The following TENM2 variants were observed in gnomAD, a reference collection of about 807,000 sequenced individuals.
TENM2 encodes teneurin-2.
A neutral mutation model predicts 245.2 loss-of-function variants in TENM2; 52 were observed. The ratio of observed to expected loss-of-function variants is 0.21; its 90% CI spans 0.17 to 0.27. The LOEUF (loss-of-function observed/expected upper bound fraction) is 0.27, where lower values mean the gene tolerates loss of function less well. TENM2 is among the 10% of genes least tolerant of loss of function. TENM2 has a pLI of 1.00. For missense variants in TENM2, 3,046 were observed against 3,666.8 expected (o/e 0.83, Z 4.37); for synonymous variants, 1,363 against 1,438.9 (o/e 0.95, Z 1.19).
intron 24 of TENM2, 119 bp from the exon 27 acceptor site, chr5:168,227,776 A>T (rs781487664): frequency 1.6e-5 from 10 of 640,320 alleles, no homozygotes; most frequent in Non-Finnish European, 2.2e-5. Flanking sequence ...GCAGCCTTCG[A>T]CTAATGGCTG....
chr5:167,896,025 G>A (rs1412891586), intron 3 of TENM2, among the ~76,000 whole-genome samples: 1 of 152,210 alleles, frequency 6.6e-6, no homozygotes, highest in Non-Finnish European at 1.5e-5. Flanking sequence ...GCAGCATGAG[G>A]TGGATGAAGC....
intron 3 of TENM2, among the ~76,000 whole-genome samples, chr5:167,921,905 G>A (rs934516911): frequency 1.3e-5 from 2 of 152,120 alleles, no homozygotes; most frequent in African/African-American, 4.8e-5. Flanking sequence ...GAGGATTATA[G>A]AACTTTCTCT....
chr5:167,430,329 A>G (rs1488606268), intron 2 of TENM2, among the ~76,000 whole-genome samples: 2 of 152,208 alleles, frequency 1.3e-5, no homozygotes, highest in Non-Finnish European at 2.9e-5. Flanking sequence ...ATTAAATAAA[A>G]TAATCAACGT....
intron 2 of TENM2, among the ~76,000 whole-genome samples, chr5:167,853,214 C>T (rs1490113778): frequency 3.0e-5 from 4 of 134,714 alleles, no homozygotes; most frequent in Non-Finnish European, 6.1e-5. Flanking sequence ...GGCGTGAACC[C>T]GGGAGGTGGA....
At chr5:167,291,573 T>G (rs543138819) in intron 1 of TENM2, among the ~76,000 whole-genome samples, 32 of 152,342 alleles carry the variant, frequency 2.1e-4, no homozygotes, top group African/African-American at 7.5e-4. Context: ...CAGCAGAATA[T>G]TCTCCAGGTA....
At chr5:167,347,028 C>A (rs1758502574) in intron 1 of TENM2, among the ~76,000 whole-genome samples, 1 of 151,954 alleles carries the variant, frequency 6.6e-6, no homozygotes, top group African/African-American at 2.4e-5. Context: ...GACACCTTGG[C>A]CTCCCAAAGT....
chr5:168,069,710 C>T (rs141757515), intron 7 of TENM2, among the ~76,000 whole-genome samples: 1 of 152,326 alleles, frequency 6.6e-6, no homozygotes, highest in Non-Finnish European at 1.5e-5. Flanking sequence ...AGCAGCCAGA[C>T]ACCTTCATCT....
At chr5:167,544,180 C>T (rs565509405) in intron 2 of TENM2, among the ~76,000 whole-genome samples, 1 of 152,190 alleles carries the variant, frequency 6.6e-6, no homozygotes, top group African/African-American at 2.4e-5. Context: ...GAAGTCACCG[C>T]TTGGTTGTGT....
chr5:167,538,245 G>A (rs1242380351), intron 2 of TENM2, among the ~76,000 whole-genome samples: 1 of 152,198 alleles, frequency 6.6e-6, no homozygotes, highest in African/African-American at 2.4e-5. Flanking sequence ...AGTTGGAAAG[G>A]CGATTTCAAA....
rs1763322920 is a variant in TENM2, at chr5:167,418,886, C to T, written c.502+43413C>T. Among the ~76,000 whole-genome samples the T allele has an allele frequency of 3.3e-5, 5 of 151,906 alleles. No individual in the cohort carries two copies. In the South Asian group the frequency reaches 1.0e-3, roughly 32 times the overall value. The stretch of plus-strand genomic sequence containing the variant: ...TATCCCTTGGCATCAAGAATAAATA[C>T]CAATTATTATCATATATAGAAGTGT... On this transcript the variant is annotated intron_variant, in intron 2 of 28. Transcript: ENST00000518659.
the TENM2 span, among the ~76,000 whole-genome samples, chr5:167,150,892 A>C: frequency 6.6e-6 from 1 of 152,214 alleles, no homozygotes; most frequent in Non-Finnish European, 1.5e-5. Context: ...AAAATGATGG[A>C]GTGAGCTTGG....
intron 12 of TENM2, among the ~76,000 whole-genome samples, chr5:168,149,683 G>A (rs2152421969): frequency 6.6e-6 from 1 of 152,204 alleles, no homozygotes; most frequent in Non-Finnish European, 1.5e-5. Flanking sequence ...TCCTCACCCA[G>A]CACAAAGGGA....
intron 6 of TENM2, among the ~76,000 whole-genome samples, chr5:168,047,912 G>GA (rs1416465458): frequency 6.6e-6 from 1 of 152,216 alleles, no homozygotes; most frequent in Non-Finnish European, 1.5e-5. Flanking sequence ...AGCAGCAGGA[G>GA]AAAGTCCTGC....
chr5:167,885,317 T>C (rs965378165), intron 3 of TENM2, among the ~76,000 whole-genome samples: 14 of 152,242 alleles, frequency 9.2e-5, no homozygotes, highest in African/African-American at 3.4e-4. Context: ...CAACAAATAC[T>C]GTTAAAGGCT....
intron 1 of TENM2, among the ~76,000 whole-genome samples, chr5:167,326,047 A>G (rs1295492081): frequency 6.6e-6 from 1 of 152,144 alleles, no homozygotes; most frequent in African/African-American, 2.4e-5. Context: ...AAGTGGGGGA[A>G]GAAGCTTGAA....
chr5:167,225,813 A>G, the TENM2 span, among the ~76,000 whole-genome samples: 1 of 151,946 alleles, frequency 6.6e-6, no homozygotes, highest in South Asian at 2.1e-4. Flanking sequence ...CTTTGTTTAG[A>G]GACTTTTTGT....
At chr5:167,801,596 G>C (rs1361997468) in intron 2 of TENM2, among the ~76,000 whole-genome samples, 4 of 152,126 alleles carry the variant, frequency 2.6e-5, no homozygotes, top group African/African-American at 7.2e-5. Context: ...GAATTGAATT[G>C]AATTCAATTT....
At chr5:168,022,177 G>T (rs1786208733) in intron 5 of TENM2, among the ~76,000 whole-genome samples, 1 of 152,240 alleles carries the variant, frequency 6.6e-6, no homozygotes, top group Admixed American at 6.5e-5. Context: ...CCATGCATGA[G>T]CAGGCACCGT....
At chr5:167,922,634 C>T (rs767457535) in intron 3 of TENM2, among the ~76,000 whole-genome samples, 76 of 152,316 alleles carry the variant, frequency 5.0e-4, no homozygotes, top group Non-Finnish European at 8.2e-4. Flanking sequence ...AGAAATCAGG[C>T]GCAGTCCTTG....
Sources: allele counts gnomAD v4.1 joint callset (sites outside exome capture counted in the v4.1 genomes callset), GRCh38; gene constraint gnomAD v4.1.1; transcripts MANE v1.5; gene names NCBI Gene and HGNC (gene_info 2026-07-23, HGNC 2026-07-21).